Variants in KLRG1 observed in about 807,000 individuals in gnomAD.
KLRG1 encodes the protein killer cell lectin-like receptor subfamily G member 1.
In KLRG1, 16 loss-of-function variants were observed where a neutral mutation model predicts 21.8. The ratio of observed to expected loss-of-function variants is 0.73; its 90% CI spans 0.50 to 1.11. The LOEUF is 1.11. Among genes scored for constraint, KLRG1 ranks in the 50% most tolerant of loss-of-function variants. The pLI, the probability that KLRG1 is intolerant of heterozygous loss-of-function variation, is 0.00. For synonymous variants in KLRG1, 69 were observed against 75.9 expected (o/e 0.91, Z 0.47); for missense variants, 173 against 218.3 (o/e 0.79, Z 1.31).
the KLRG1 span, among the ~76,000 whole-genome samples, chr12:9,016,443 A>G: frequency 6.6e-6 from 1 of 152,210 alleles, no homozygotes; most frequent in Non-Finnish European, 1.5e-5. Context: ...AAAACCTACC[A>G]AGATTGAACC....
At chr12:9,163,449 T>C in the KLRG1 span, among the ~76,000 whole-genome samples, 1 of 129,910 alleles carries the variant, frequency 7.7e-6, no homozygotes, top group Non-Finnish European at 1.7e-5. Flanking sequence ...CAAAACTCCG[T>C]CTCAAAAAAA....
chr12:9,113,950 A>G, the KLRG1 span, among the ~76,000 whole-genome samples: 1 of 152,222 alleles, frequency 6.6e-6, no homozygotes, highest in Non-Finnish European at 1.5e-5. Flanking sequence ...TAGAATTTTC[A>G]TTAAAATATA....
intron 3 of KLRG1, among the ~76,000 whole-genome samples, chr12:8,999,228 T>C (rs760944512): frequency 2.6e-5 from 4 of 152,296 alleles, no homozygotes; most frequent in African/African-American, 7.2e-5. Context: ...TTGCCATTTT[T>C]CCCCCACCAA....
the KLRG1 span, chr12:9,069,677 C>G: frequency 7.0e-5 from 85 of 1,221,832 alleles, 2 homozygotes; most frequent in African/African-American, 8.9e-4. Flanking sequence ...ATGCATTTAC[C>G]TTCCCAGATG....
the KLRG1 span, chr12:9,095,474 C>T: frequency 6.7e-7 from 1 of 1,489,386 alleles, no homozygotes; most frequent in Non-Finnish European, 9.2e-7. Flanking sequence ...CAAATACAGA[C>T]TCTTTTCCAT....
chr12:9,174,041 C>T, the KLRG1 span, among the ~76,000 whole-genome samples: 42 of 152,174 alleles, frequency 2.8e-4, no homozygotes, highest in South Asian at 7.7e-3. Context: ...AAGCTTCAGG[C>T]GAATATCCCT....
chr12:9,106,307 T>C, the KLRG1 span: 1 of 1,613,368 alleles, frequency 6.2e-7, no homozygotes, highest in African/African-American at 1.3e-5. Flanking sequence ...GTTATGGTTC[T>C]TGTGATTTCA....
the KLRG1 span, among the ~76,000 whole-genome samples, chr12:9,056,255 G>A: frequency 2.6e-5 from 4 of 152,132 alleles, no homozygotes; most frequent in African/African-American, 9.7e-5. Flanking sequence ...CAGGGCCTGC[G>A]TGATCACAAA....
rs1176598458 is a variant in KLRG1, at chr12:9,010,552, T to TA, written c.*1017dup. 6.5e-6 allele frequency: 1 copy of TA among 152,772 alleles called. No homozygotes were observed. Among genetic ancestry groups the TA allele is most frequent in the Non-Finnish European group, 1.5e-5 (1 of 68,462 alleles). The allele number at this position is 152,772 out of a possible 1,614,324, so 9.5% of individuals were successfully genotyped here. A position where few individuals can be genotyped will look rare whatever the true frequency, so the allele number is the denominator to read the frequency against. ...CTCCTCAGTAGAGTTTGGACATACA[T>TA]AAGGAGAGAAGGTACAGTGATGAAG... On this transcript the variant is annotated 3_prime_UTR_variant, in exon 5 of 5. Coordinates refer to ENST00000356986, the MANE Select transcript of KLRG1 (RefSeq NM_005810.4).
At chr12:8,995,037 G>T in intron 2 of KLRG1, 82 bp from the exon 3 acceptor site, 1 of 1,303,160 alleles carries the variant, frequency 7.7e-7, no homozygotes. Context: ...ACCCAGGGCT[G>T]CCATATTCCA....
intron 1 of KLRG1, among the ~76,000 whole-genome samples, chr12:8,967,849 C>T (rs1946503346): frequency 6.6e-6 from 1 of 151,620 alleles, no homozygotes; most frequent in Admixed American, 6.6e-5. Context: ...ACTTCATATA[C>T]ATGAAGTAGT....
chr12:9,060,099 G>C, the KLRG1 span, among the ~76,000 whole-genome samples: 3 of 148,852 alleles, frequency 2.0e-5, no homozygotes, highest in Admixed American at 1.4e-4. Context: ...CCGCCTCCTG[G>C]GTTCAAGCCA....
chr12:9,150,107 T>G, the KLRG1 span, among the ~76,000 whole-genome samples: 217 of 152,330 alleles, frequency 1.4e-3, 1 homozygote, highest in African/African-American at 4.8e-3. Flanking sequence ...CTAACACTCA[T>G]TTGTCACTAA....
At chr12:9,057,075 A>G in the KLRG1 span, among the ~76,000 whole-genome samples, 1 of 152,176 alleles carries the variant, frequency 6.6e-6, no homozygotes, top group African/African-American at 2.4e-5. Flanking sequence ...ATCAATATAC[A>G]TGTATATTAC....
chr12:9,073,139 T>G, the KLRG1 span, among the ~76,000 whole-genome samples: 11 of 152,342 alleles, frequency 7.2e-5, no homozygotes, highest in East Asian at 2.1e-3. Flanking sequence ...ATGTGGGACA[T>G]GGAATGTGGA....
the KLRG1 span, chr12:9,101,638 G>T: frequency 6.2e-7 from 1 of 1,613,916 alleles, no homozygotes; most frequent in Non-Finnish European, 8.5e-7. Context: ...GACACCCACT[G>T]GTAGCCGTAA....
the KLRG1 span, among the ~76,000 whole-genome samples, chr12:9,170,610 A>T: frequency 3.3e-5 from 5 of 151,850 alleles, no homozygotes; most frequent in East Asian, 1.9e-4. The surrounding 1 kb of genome is among the most constrained non-coding windows in gnomAD (Gnocchi z 4.6). Flanking sequence ...CTGCAGGGAG[A>T]GGTGGGTGCC....
At chr12:8,997,941 C>T (rs1947184706) in intron 3 of KLRG1, among the ~76,000 whole-genome samples, 1 of 152,132 alleles carries the variant, frequency 6.6e-6, no homozygotes, top group Non-Finnish European at 1.5e-5. Context: ...CGCCTGCCTC[C>T]ACGCCCGACC....
chr12:9,163,801 A>C, the KLRG1 span: 3 of 1,609,352 alleles, frequency 1.9e-6, no homozygotes, highest in Non-Finnish European at 2.5e-6. Context: ...TAAAACAAGG[A>C]ATATTGAAAA....
Sources: gnomAD v4.1 joint callset for allele counts (sites outside exome capture counted in the v4.1 genomes callset) on GRCh38, gnomAD v4.1.1 for gene constraint, Gnocchi (gnomAD v3.1) non-coding constraint, MANE v1.5 for transcripts, NCBI Gene and HGNC (gene_info 2026-07-23, HGNC 2026-07-21) for gene names.